Variants in AP1S2 observed in about 807,000 individuals in gnomAD.
AP1S2 encodes AP-1 complex subunit sigma-2.
A neutral mutation model predicts 14.3 loss-of-function variants in AP1S2; 1 was observed. The ratio of observed to expected loss-of-function variants is 0.07; its 90% confidence interval spans 0.02 to 0.33. The LOEUF (loss-of-function observed/expected upper bound fraction) is 0.33, where lower values mean the gene tolerates loss of function less well. AP1S2 is among the 10% of genes least tolerant of loss of function. The pLI is 0.99. For synonymous variants in AP1S2, 30 were observed against 40.5 expected, an observed-to-expected ratio of 0.74 and a Z score of 0.99; for missense variants, 30 against 117.7, an observed-to-expected ratio of 0.25 and a Z score of 3.45.
intron 4 of AP1S2, chrX:15,831,862 TG>T (rs1362358627): frequency 1.4e-6 from 1 of 736,642 alleles, no homozygotes; most frequent in African/African-American, 2.4e-5. Flanking sequence ...AGATTTTCAG[TG>T]TAAGTCATCT....
intron 4 of AP1S2, among the ~76,000 whole-genome samples, chrX:15,844,746 A>G (rs1434069250): frequency 1.8e-5 from 2 of 112,465 alleles, no homozygotes; most frequent in African/African-American, 6.5e-5. Flanking sequence ...AAAGGGAGTT[A>G]CACATCTGGG....
At chrX:15,829,877 G>A (rs1220109629) in intron 4 of AP1S2, among the ~76,000 whole-genome samples, 2 of 111,509 alleles carry the variant, frequency 1.8e-5, no homozygotes, top group South Asian at 3.7e-4. Flanking sequence ...CAGATCTGCT[G>A]CACAACAATG....
At chrX:15,839,861 A>G (rs183778516) in intron 4 of AP1S2, among the ~76,000 whole-genome samples, 1 of 111,679 alleles carries the variant, frequency 9.0e-6, no homozygotes, top group East Asian at 2.8e-4. Context: ...ATGTTATTCA[A>G]TACTTCAAAA....
Position 15,852,462 on chromosome X carries a change from T to C in AP1S2, c.63A>G (p.Pro21=), listed in dbSNP as rs1204068080. The C allele has an allele frequency of 3.3e-6, 4 of 1,211,362 alleles. No individual in the cohort carries two copies. Among genetic ancestry groups the C allele is most frequent in the Admixed American group, 2.2e-5 (1 of 46,084 alleles). The change falls in exon 2 of 6, where the codon CCA becomes CCG. Residue 21 remains proline (P), a synonymous_variant. Coordinates refer to ENST00000672987, the MANE Select transcript of AP1S2 (RefSeq NM_001272071.2). The stretch of plus-strand genomic sequence containing the variant: ...TCTTTTTCTTCTCTTTGTCTGATAG[T>C]GGGACATACCATTTTTGCAGTCGAA... ...GKLRLQKWYV[P]LSDKEKKKIT... is the part of the protein sequence containing the mutation.
chrX:15,846,147 A>C, intron 2 of AP1S2, 136 bp from the exon 3 acceptor site: 3 of 502,709 alleles, frequency 6.0e-6, no homozygotes, highest in East Asian at 3.7e-5. Flanking sequence ...GATTTTTCTC[A>C]TAGACTACAA....
At position 15,845,370 on chromosome X, in the gene AP1S2, G is replaced by A. The variant is rs1191737518; in HGVS notation, c.426+9C>T. 5 of 1,209,579 alleles carry A rather than the reference G, an allele frequency of 4.1e-6. No homozygotes were observed. Among genetic ancestry groups the A allele is most frequent in the South Asian group, 3.5e-5 (2 of 56,906 alleles). ...TGCTAGTGCCTAGTGAAGAGAATAA[G>A]TAGCTTACCTCCTGCAGTAGATCAG... On this transcript the variant is annotated intron_variant, in intron 4 of 5. Transcript: ENST00000672987.
chrX:15,829,905 C>G (rs1461895737), intron 4 of AP1S2, among the ~76,000 whole-genome samples: 1 of 111,497 alleles, frequency 9.0e-6, no homozygotes, highest in Non-Finnish European at 1.9e-5. Flanking sequence ...ACTTAACTAA[C>G]ACAACTGAAC....
rs1933272984 is a variant in AP1S2, at chrX:15,826,739, C to T, written c.*586G>A. ...ATAATTTTTAGTGTAAGAAGTATCACTCCAATTTAGTCATTAAAAATAATC... is the reference window on the plus strand; with the variant it reads ...ATAATTTTTAGTGTAAGAAGTATCATTCCAATTTAGTCATTAAAAATAATC... On this transcript the variant is annotated 3_prime_UTR_variant, in exon 6 of 6. Coordinates refer to ENST00000672987, the MANE Select transcript of AP1S2 (RefSeq NM_001272071.2). The T allele has an allele frequency of 9.8e-6, 1 of 102,420 alleles. No individual in the cohort carries two copies. Among genetic ancestry groups the T allele is most frequent in the South Asian group, 4.5e-4 (1 of 2,244 alleles). 8.4% of individuals were successfully genotyped at this position (102,420 alleles called of 1,213,427 possible).
At chrX:15,832,633 G>A in intron 4 of AP1S2, 1 of 767,101 alleles carries the variant, frequency 1.3e-6, no homozygotes, top group Non-Finnish European at 1.6e-6. Flanking sequence ...TTTTCATAGG[G>A]AAATTCTTCT....
chrX:15,835,558 C>T (rs772590084), intron 4 of AP1S2, among the ~76,000 whole-genome samples: 7 of 111,283 alleles, frequency 6.3e-5, no homozygotes, highest in African/African-American at 9.8e-5. Context: ...GTCAGTCTTA[C>T]AAGCATTTGT....
In AP1S2 at chrX:15,836,728, T is replaced by A. The variant is rs1933652019; in HGVS notation, c.427-8528A>T. On this transcript the variant is annotated intron_variant, in intron 4 of 5. Transcript: ENST00000672987. The stretch of plus-strand genomic sequence containing the variant: ...AGACCCCATTTCTACTGAAAATTTT[T>A]AAAAAATTAGCTGGGCATGGTGGTG... Among the ~76,000 whole-genome samples the A allele has an allele frequency of 1.8e-5, 2 of 110,483 alleles. 1 individual carries two copies. The highest frequency in any genetic ancestry group is 6.6e-5 in the African/African-American group (2 of 30,322).
chrX:15,845,185 A>G (rs187557838), intron 4 of AP1S2, 194 bp downstream of exon 4: 1 of 752,572 alleles, frequency 1.3e-6, no homozygotes, highest in Non-Finnish European at 1.6e-6. Flanking sequence ...GACCATCTCC[A>G]AACTGAACCA....
At chrX:15,845,803 G>A (rs925312731) in intron 3 of AP1S2, 100 bp downstream of exon 3, 38 of 762,348 alleles carry the variant, frequency 5.0e-5, no homozygotes, top group Non-Finnish European at 7.1e-5. Flanking sequence ...ACCCTCTCCC[G>A]CGGTTAGAAT....
intron 4 of AP1S2, chrX:15,833,321 C>G: frequency 1.2e-6 from 1 of 861,257 alleles, no homozygotes; most frequent in Non-Finnish European, 1.4e-6. Context: ...ACCACCCAGG[C>G]ATTTCCACCA....
intron 2 of AP1S2, among the ~76,000 whole-genome samples, chrX:15,851,178 C>G (rs1333779487): frequency 8.9e-6 from 1 of 112,040 alleles, no homozygotes; most frequent in Non-Finnish European, 1.9e-5. Flanking sequence ...TCTCACCTCT[C>G]AAATGATATG....
chrX:15,843,174 T>G (rs887790904), intron 4 of AP1S2, among the ~76,000 whole-genome samples: 7 of 112,179 alleles, frequency 6.2e-5, no homozygotes, highest in African/African-American at 2.3e-4. Context: ...TATCCCCTAG[T>G]ACATTAAATA....
chrX:15,846,062 T>C, intron 2 of AP1S2, 51 bp from the exon 3 acceptor site: 1 of 890,396 alleles, frequency 1.1e-6, no homozygotes, highest in South Asian at 2.0e-5. Context: ...AATGATGTTT[T>C]CTAAATATAT....
chrX:15,844,486 TAAC>T (rs1933940352), intron 4 of AP1S2, among the ~76,000 whole-genome samples: 1 of 112,748 alleles, frequency 8.9e-6, no homozygotes, highest in South Asian at 3.6e-4. Context: ...AACACACACT[TAAC>T]AACTACTTTA....
intron 2 of AP1S2, 59 bp downstream of exon 2, chrX:15,852,286 AT>A: frequency 9.3e-7 from 1 of 1,070,008 alleles, no homozygotes; most frequent in Non-Finnish European, 1.3e-6. Flanking sequence ...GAAGTCTGCA[AT>A]TTCCTAAATG....
Sources: gnomAD v4.1 joint callset for allele counts (sites outside exome capture counted in the v4.1 genomes callset) on GRCh38, gnomAD v4.1.1 for gene constraint, MANE v1.5 for transcripts, NCBI Gene and HGNC (gene_info 2026-07-23, HGNC 2026-07-21) for gene names.